Variants in ABR observed in about 807,000 individuals in gnomAD.
ABR encodes the protein ABR activator of RhoGEF and GTPase, also known as active breakpoint cluster region-related protein.
Under a neutral mutation model 107.2 loss-of-function variants are expected in ABR, and 35 were observed. That is an observed-to-expected ratio of 0.33 (90% CI 0.25 to 0.43). The LOEUF is 0.43. ABR is among the 20% of genes least tolerant of loss of function. The pLI is 1.00. For missense variants in ABR, 815 were observed against 1,115.2 expected, an observed-to-expected ratio of 0.73 and a Z score of 3.83; for synonymous variants, 498 against 462.0, an observed-to-expected ratio of 1.08 and a Z score of -1.00.
chr17:1,048,062 C>T (rs145010540), intron 16 of ABR, among the ~76,000 whole-genome samples: 1 of 152,168 alleles, frequency 6.6e-6, no homozygotes, highest in Non-Finnish European at 1.5e-5. Context: ...AGCCCAGAAC[C>T]CTTCCGTGCC....
At chr17:1,147,456 G>A (rs1331179834) in intron 1 of ABR, among the ~76,000 whole-genome samples, 1 of 151,800 alleles carries the variant, frequency 6.6e-6, no homozygotes, top group Non-Finnish European at 1.5e-5. Context: ...TGCCTCCTGA[G>A]TTCAAGTGAG....
At chr17:1,091,340 G>A (rs1429231351) in intron 4 of ABR, among the ~76,000 whole-genome samples, 1 of 114,768 alleles carries the variant, frequency 8.7e-6, no homozygotes, top group Non-Finnish European at 1.9e-5. Flanking sequence ...GGAGGGAGAA[G>A]GAGCACCCTC....
In ABR at chr17:1,131,256, G is replaced by A. The variant is rs1472082133; in HGVS notation, c.62-5889C>T. On this transcript the variant is annotated intron_variant, in intron 1 of 22. Transcript: ENST00000302538. ...GCACACCAAATGCAGTGCCTGCCAC[G>A]CACACAGCTCCCCCCTTTGCACACC... 1.4e-3 allele frequency among the ~76,000 whole-genome samples: 66 copies of A among 46,058 alleles called. 2 individuals carry two copies. In the Admixed American group the frequency reaches 0.016, roughly 11 times the overall value. 30.2% of individuals were successfully genotyped at this position (46,058 alleles called of 152,430 possible). A position where few individuals can be genotyped will look rare whatever the true frequency, so the allele number is the denominator to read the frequency against.
At chr17:1,188,676 G>A (rs994315669), upstream of ABR, among the ~76,000 whole-genome samples, 8 of 152,208 alleles carry the variant, frequency 5.3e-5, no homozygotes, top group African/African-American at 1.4e-4. Flanking sequence ...TGCCAAGAGC[G>A]TTGAGAACTC....
intron 1 of ABR, among the ~76,000 whole-genome samples, chr17:1,223,166 C>G (rs1381826074): frequency 2.0e-5 from 3 of 151,796 alleles, no homozygotes. Context: ...CTTGCCATTA[C>G]ACACCAGCCG....
rs1472199523 is a variant in ABR, at chr17:1,070,448, G to A, written c.895-358C>T. 6.6e-6 allele frequency among the ~76,000 whole-genome samples: 1 copy of A among 152,304 alleles called. No individual in the cohort carries two copies. The highest frequency in any genetic ancestry group is 1.5e-5 in the Non-Finnish European group (1 of 68,020). ...GTGTGTGCAACGCACGGGGCTCTCC[G>A]CGGCTAACCCTGGAGCCCCCTGCCC... is the stretch of plus-strand genomic sequence containing the variant. On this transcript the variant is annotated intron_variant, in intron 8 of 22. Transcript: ENST00000302538. The surrounding 1 kb of genome is among the most constrained non-coding windows in gnomAD (Gnocchi z 4.2).
In ABR at chr17:1,084,078, C is replaced by G. The variant is rs1791969716; in HGVS notation, c.532-451G>C. ...CTGCTCAGGCCTCCCTCCCCACGTG[C>G]AGCGTGGGGAACGACATTTAAAGGT... On this transcript the variant is annotated intron_variant, in intron 4 of 22. Transcript: ENST00000302538. The surrounding 1 kb of genome is among the most constrained non-coding windows in gnomAD (Gnocchi z 4.2). Among the ~76,000 whole-genome samples the G allele has an allele frequency of 6.6e-6, 1 of 152,210 alleles. No individual in the cohort carries two copies. The highest frequency in any genetic ancestry group is 2.1e-4 in the South Asian group (1 of 4,834).
At chr17:1,019,773 G>A (rs539956324) in intron 16 of ABR, among the ~76,000 whole-genome samples, 2 of 152,396 alleles carry the variant, frequency 1.3e-5, no homozygotes, top group Admixed American at 1.3e-4. Context: ...GCTGGCCCCT[G>A]GGACGTTGGT....
chr17:1,024,049 A>AAAAAAAAAAAG (rs2071963289), intron 16 of ABR, among the ~76,000 whole-genome samples: 2 of 140,536 alleles, frequency 1.4e-5, no homozygotes, highest in African/African-American at 5.4e-5. Context: ...AAAAAAAAAA[A>AAAAAAAAAAAG]GCAGCATCAA....
intron 16 of ABR, among the ~76,000 whole-genome samples, chr17:1,049,669 C>T (rs183931664): frequency 6.6e-6 from 1 of 152,310 alleles, no homozygotes; most frequent in African/African-American, 2.4e-5. Flanking sequence ...ACTCCGGTCC[C>T]CCGTCAATGG....
chr17:1,060,137 G>A (rs369221952), intron 10 of ABR, among the ~76,000 whole-genome samples: 18 of 152,308 alleles, frequency 1.2e-4, no homozygotes, highest in African/African-American at 3.6e-4. Flanking sequence ...ACTGCCAGGC[G>A]CGGTGGCTCA....
chr17:1,039,127 GA>G (rs1296416576), intron 16 of ABR, among the ~76,000 whole-genome samples: 1 of 152,206 alleles, frequency 6.6e-6, no homozygotes, highest in Non-Finnish European at 1.5e-5. Context: ...CGGGAGGCTG[GA>G]TGTTCTCAGG....
chr17:1,054,527 T>C (rs67391512), intron 14 of ABR, among the ~76,000 whole-genome samples: 28,681 of 33,714 alleles, frequency 0.85, 12,452 homozygotes, highest in East Asian at 0.95. Context: ...CCTCAGGGGA[T>C]GGGGGCACAA....
At chr17:1,155,275 T>C (rs981562383) in intron 1 of ABR, among the ~76,000 whole-genome samples, 1 of 152,016 alleles carries the variant, frequency 6.6e-6, no homozygotes, top group Non-Finnish European at 1.5e-5. Flanking sequence ...GGTCGACGGA[T>C]TGTCAACAAG....
intron 1 of ABR, among the ~76,000 whole-genome samples, chr17:1,173,305 C>A (rs1416529857): frequency 1.2e-4 from 16 of 135,034 alleles, no homozygotes; most frequent in African/African-American, 3.8e-4. Flanking sequence ...CACCTCAGTC[C>A]ACCCCCCCCA....
rs1050426760 is a variant in ABR at position 1,092,976 on chromosome 17, C to T, written c.346-1126G>A. ...CAGGGACTACAGGCGCCCGCCACCA[C>T]GCCTGGCTAATTTTTTTTGTATTTT... is the stretch of plus-strand genomic sequence containing the variant. On this transcript the variant is annotated intron_variant, in intron 3 of 22. Coordinates refer to ENST00000302538, the MANE Select transcript of ABR (RefSeq NM_021962.5). The surrounding 1 kb of genome is among the most constrained non-coding windows in gnomAD (Gnocchi z 4.6). Among the ~76,000 whole-genome samples the T allele has an allele frequency of 2.0e-5, 3 of 150,860 alleles. No individual in the cohort carries two copies. The highest frequency in any genetic ancestry group is 2.0e-4 in the East Asian group (1 of 4,960).
chr17:1,084,863 C>T lies in ABR; in HGVS notation c.532-1236G>A, dbSNP rs1444736805. Among the ~76,000 whole-genome samples the T allele has an allele frequency of 1.3e-5, 2 of 152,144 alleles. No individual in the cohort carries two copies. Among genetic ancestry groups the T allele is most frequent in the African/African-American group, 4.8e-5 (2 of 41,414 alleles). ...CGCTCTTGTTGCCCAGGCTGCAGTA[C>T]AGTGGTGCGATCTCGGCTCACCGCA... is the stretch of plus-strand genomic sequence containing the variant. On this transcript the variant is annotated intron_variant, in intron 4 of 22. Transcript: ENST00000302538. The surrounding 1 kb of genome is among the most constrained non-coding windows in gnomAD (Gnocchi z 4.2).
chr17:1,078,816 T>G lies in ABR; in HGVS notation c.700+514A>C. The G allele has an allele frequency of 6.5e-7, 1 of 1,535,008 alleles. No homozygotes were observed. Among genetic ancestry groups the G allele is most frequent in the South Asian group, 1.2e-5 (1 of 84,036 alleles). On this transcript the variant is annotated intron_variant, in intron 6 of 22. Transcript: ENST00000302538. The surrounding 1 kb of genome is among the most constrained non-coding windows in gnomAD (Gnocchi z 7.5). ...CCCACAGCGAGCACCTGGGTTACCA[T>G]AGGTGCAGTTACAGCAGAAGCGAAT...
At chr17:1,214,474 A>G (rs1223068390) in intron 1 of ABR, among the ~76,000 whole-genome samples, 2 of 152,190 alleles carry the variant, frequency 1.3e-5, no homozygotes, top group Non-Finnish European at 2.9e-5. Context: ...AATTTAAAGG[A>G]ATATAAAGGA....
Sources: allele counts gnomAD v4.1 joint callset (sites outside exome capture counted in the v4.1 genomes callset), GRCh38; gene constraint gnomAD v4.1.1; non-coding constraint Gnocchi (gnomAD v3.1); transcripts MANE v1.5; gene names NCBI Gene and HGNC (gene_info 2026-07-23, HGNC 2026-07-21).